Variants in MAGI2 observed in about 807,000 individuals in gnomAD.
MAGI2 encodes membrane associated guanylate kinase, WW and PDZ domain containing 2.
A neutral mutation model predicts 133.3 loss-of-function variants in MAGI2; 35 were observed. The ratio of observed to expected loss-of-function variants is 0.26; its 90% CI spans 0.20 to 0.35. The LOEUF (loss-of-function observed/expected upper bound fraction) is 0.35. MAGI2 is among the 10% of genes least tolerant of loss of function. The pLI, the probability that MAGI2 is intolerant of heterozygous loss-of-function variation, is 1.00. For missense variants in MAGI2, 1,636 were observed against 1,863.4 expected (o/e 0.88, Z 2.25); for synonymous variants, 729 against 710.6 (o/e 1.03, Z -0.41).
chr7:79,443,285 C>CGCGTGTGT, intron 1 of MAGI2, among the ~76,000 whole-genome samples: 1 of 139,430 alleles, frequency 7.2e-6, no homozygotes, highest in South Asian at 2.4e-4. Flanking sequence ...TGTGTGTGTG[C>CGCGTGTGT]GTGTGTGTGT....
At chr7:78,719,710 G>T (rs1169295331) in intron 2 of MAGI2, among the ~76,000 whole-genome samples, 1 of 152,174 alleles carries the variant, frequency 6.6e-6, no homozygotes, top group African/African-American at 2.4e-5. Flanking sequence ...CACCAAAGCA[G>T]GTGTTTGACA....
intron 1 of MAGI2, among the ~76,000 whole-genome samples, chr7:79,149,065 A>G (rs1193435979): frequency 2.8e-5 from 4 of 144,120 alleles, no homozygotes; most frequent in Non-Finnish European, 6.0e-5. Flanking sequence ...ATAATATAAT[A>G]TATTATATAT....
At chr7:79,125,561 A>C (rs1246893549) in intron 1 of MAGI2, 4 of 508,720 alleles carry the variant, frequency 7.9e-6, no homozygotes, top group Non-Finnish European at 7.9e-6. Flanking sequence ...GGCAGCTATA[A>C]CAGCTGTATC....
At chr7:79,386,668 C>T (rs1157265660) in intron 1 of MAGI2, among the ~76,000 whole-genome samples, 1 of 152,036 alleles carries the variant, frequency 6.6e-6, no homozygotes, top group East Asian at 1.9e-4. Flanking sequence ...TATGGAATAA[C>T]ACCGAGGACA....
intron 16 of MAGI2, among the ~76,000 whole-genome samples, chr7:78,145,809 T>C (rs1823256892): frequency 6.6e-6 from 1 of 152,176 alleles, no homozygotes. Flanking sequence ...TCCTCATATG[T>C]TGGAGTGAGA....
Position 78,017,774 on chromosome 7 carries a change from G to T in MAGI2, c.*1541C>A, listed in dbSNP as rs1023167369. 6.6e-6 allele frequency: 1 copy of T among 152,484 alleles called. No individual in the cohort carries two copies. The highest frequency in any genetic ancestry group is 1.5e-5 in the Non-Finnish European group (1 of 68,046). The allele number at this position is 152,484 out of a possible 1,614,324, so 9.4% of individuals were successfully genotyped here. A position where few individuals can be genotyped will look rare whatever the true frequency, so the allele number is the denominator to read the frequency against. ...TACTGCAATTACAAGGAGAGGGAAT[G>T]ATCAGCCCAGGGAGGCTATTACGTG... On this transcript the variant is annotated 3_prime_UTR_variant, in exon 22 of 22. Transcript: ENST00000354212.
At chr7:79,144,649 T>C (rs1306653445) in intron 1 of MAGI2, among the ~76,000 whole-genome samples, 1 of 152,178 alleles carries the variant, frequency 6.6e-6, no homozygotes, top group Admixed American at 6.6e-5. Flanking sequence ...GCCTTTTACA[T>C]AGTAAGAGTT....
intron 2 of MAGI2, among the ~76,000 whole-genome samples, chr7:78,758,146 C>CTTAT (rs1554557312): frequency 1.3e-5 from 2 of 152,106 alleles, no homozygotes; most frequent in Non-Finnish European, 2.9e-5. Flanking sequence ...CTTTTTCCTA[C>CTTAT]TTATTTTATT....
At chr7:78,095,596 G>GAGGGCAAGGATGGTTCA (rs1309931650) in intron 20 of MAGI2, among the ~76,000 whole-genome samples, 1 of 152,220 alleles carries the variant, frequency 6.6e-6, no homozygotes, top group Non-Finnish European at 1.5e-5. Flanking sequence ...CCATGGAGTA[G>GAGGGCAAGGATGGTTCA]AGGGCAAGGA....
intron 2 of MAGI2, among the ~76,000 whole-genome samples, chr7:78,984,659 T>C (rs909779160): frequency 2.6e-5 from 4 of 151,752 alleles, no homozygotes; most frequent in Admixed American, 6.6e-5. Flanking sequence ...CAGTCCTATT[T>C]AAAATTGGAC....
Position 78,247,648 on chromosome 7 carries a change from G to A in MAGI2, c.2047+8295C>T, listed in dbSNP as rs1584550676. 2.0e-5 allele frequency among the ~76,000 whole-genome samples: 3 copies of A among 152,036 alleles called. No homozygotes were observed. In the East Asian group the frequency reaches 5.8e-4, roughly 29 times the overall value. On this transcript the variant is annotated intron_variant, in intron 10 of 21. Coordinates refer to ENST00000354212, the MANE Select transcript of MAGI2 (RefSeq NM_012301.4). ...CTTGGAGCTGAAGAATTTCATGAATGAAATTAAAAACATACAATACAGAGC... is the reference window on the plus strand; with the variant it reads ...CTTGGAGCTGAAGAATTTCATGAATAAAATTAAAAACATACAATACAGAGC...
chr7:79,237,367 C>T (rs1832019540), intron 1 of MAGI2, among the ~76,000 whole-genome samples: 1 of 152,118 alleles, frequency 6.6e-6, no homozygotes, highest in Admixed American at 6.5e-5. Context: ...GTGGCAGGTG[C>T]CTGTAGTCCT....
intron 2 of MAGI2, among the ~76,000 whole-genome samples, chr7:78,973,591 A>G (rs373995183): frequency 6.6e-6 from 1 of 151,456 alleles, no homozygotes; most frequent in African/African-American, 2.4e-5. Context: ...TGTAAAACCT[A>G]TGATAGAAGT....
At chr7:78,999,963 C>A (rs956373719) in intron 2 of MAGI2, among the ~76,000 whole-genome samples, 1 of 152,116 alleles carries the variant, frequency 6.6e-6, no homozygotes, top group Non-Finnish European at 1.5e-5. Flanking sequence ...ATGCTTTACA[C>A]TCTAAAAGGA....
intron 1 of MAGI2, among the ~76,000 whole-genome samples, chr7:79,445,391 G>T (rs1196332554): frequency 3.9e-5 from 6 of 152,208 alleles, no homozygotes; most frequent in Admixed American, 3.9e-4. Context: ...CTACAGAATG[G>T]GAGAAAATTT....
intron 2 of MAGI2, among the ~76,000 whole-genome samples, chr7:78,885,656 T>TGTGTGTG: frequency 6.6e-6 from 1 of 152,098 alleles, no homozygotes; most frequent in Non-Finnish European, 1.5e-5. Flanking sequence ...TGTGTGTGTA[T>TGTGTGTG]TTTATATAAA....
At chr7:78,177,699 CTG>C (rs1191023566) in intron 14 of MAGI2, among the ~76,000 whole-genome samples, 1 of 152,128 alleles carries the variant, frequency 6.6e-6, no homozygotes, top group Non-Finnish European at 1.5e-5. Context: ...TACTCATAAA[CTG>C]TTACCCAAAG....
chr7:79,163,937 A>C (rs1238347535), intron 1 of MAGI2, among the ~76,000 whole-genome samples: 2 of 151,940 alleles, frequency 1.3e-5, no homozygotes, highest in Admixed American at 1.3e-4. Flanking sequence ...TCTTTTTTTT[A>C]GACTAAACCC....
intron 6 of MAGI2, among the ~76,000 whole-genome samples, chr7:78,446,953 A>T (rs1352396477): frequency 6.6e-6 from 1 of 152,114 alleles, no homozygotes; most frequent in African/African-American, 2.4e-5. Flanking sequence ...TAGGATGCAC[A>T]GTTGGCAGTT....
Sources: gnomAD v4.1 joint callset for allele counts (sites outside exome capture counted in the v4.1 genomes callset) on GRCh38, gnomAD v4.1.1 for gene constraint, MANE v1.5 for transcripts, NCBI Gene and HGNC (gene_info 2026-07-23, HGNC 2026-07-21) for gene names.